The following ACCSL variants were observed in gnomAD, a reference collection of about 807,000 sequenced individuals.
The protein encoded by ACCSL is probable inactive 1-aminocyclopropane-1-carboxylate synthase-like protein 2.
ACCSL carries 55 observed loss-of-function variants against 61.7 expected under a neutral mutation model. That is an observed-to-expected ratio of 0.89 (90% CI 0.72 to 1.12). The LOEUF is 1.12. Among genes scored for constraint, ACCSL ranks in the 50% most tolerant of loss-of-function variants. ACCSL has a pLI of 0.00. For missense variants in ACCSL, 632 were observed against 698.0 expected, an observed-to-expected ratio of 0.91 and a Z score of 1.07; for synonymous variants, 258 against 264.3, an observed-to-expected ratio of 0.98 and a Z score of 0.23.
chr11:43,921,682 T>G, the ACCSL span, among the ~76,000 whole-genome samples: 1 of 152,190 alleles, frequency 6.6e-6, no homozygotes, highest in Non-Finnish European at 1.5e-5. Flanking sequence ...AGGGTCATGA[T>G]CTCCCCGTGT....
At chr11:44,007,229 G>A in the ACCSL span, among the ~76,000 whole-genome samples, 8 of 152,160 alleles carry the variant, frequency 5.3e-5, no homozygotes, top group African/African-American at 1.9e-4. Flanking sequence ...AATGTCACAG[G>A]CTCCTTCTGT....
At chr11:43,967,377 C>T in the ACCSL span, among the ~76,000 whole-genome samples, 179 of 151,750 alleles carry the variant, frequency 1.2e-3, no homozygotes, top group African/African-American at 4.1e-3. Flanking sequence ...CGGGGTTTCA[C>T]CATGTTGGCA....
chr11:43,980,883 G>A, the ACCSL span, among the ~76,000 whole-genome samples: 1 of 152,036 alleles, frequency 6.6e-6, no homozygotes, highest in Admixed American at 6.6e-5. Context: ...AACAGGCAAA[G>A]AAAGTGAGGC....
chr11:43,934,115 T>TCTCTCTCTCCCTCTC, the ACCSL span, among the ~76,000 whole-genome samples: 1 of 152,044 alleles, frequency 6.6e-6, no homozygotes, highest in Non-Finnish European at 1.5e-5. Context: ...TTCTTCCCTG[T>TCTCTCTCTCCCTCTC]CTCTCTCTCC....
the ACCSL span, among the ~76,000 whole-genome samples, chr11:44,026,223 TC>T: frequency 6.6e-6 from 1 of 152,228 alleles, no homozygotes; most frequent in African/African-American, 2.4e-5. Flanking sequence ...TATTCTTTTT[TC>T]TTTCTGCTAA....
At chr11:43,967,912 A>G in the ACCSL span, among the ~76,000 whole-genome samples, 6 of 152,152 alleles carry the variant, frequency 3.9e-5, no homozygotes, top group Non-Finnish European at 8.8e-5. Context: ...ACTCCAGCCA[A>G]TCACAAAAAG....
chr11:44,053,824 T>C (rs933743836), intron 8 of ACCSL, among the ~76,000 whole-genome samples: 3 of 152,212 alleles, frequency 2.0e-5, no homozygotes, highest in African/African-American at 7.2e-5. Context: ...ATCATGCCAC[T>C]GTACTCCAGC....
At chr11:44,024,835 T>A in the ACCSL span, among the ~76,000 whole-genome samples, 1 of 152,202 alleles carries the variant, frequency 6.6e-6, no homozygotes, top group African/African-American at 2.4e-5. Flanking sequence ...TCATTTCTGT[T>A]ATTTTTTGCT....
chr11:43,963,931 A>C, the ACCSL span, among the ~76,000 whole-genome samples: 2 of 152,238 alleles, frequency 1.3e-5, no homozygotes, highest in Non-Finnish European at 2.9e-5. Context: ...TTGGATAATC[A>C]AATCATGACA....
chr11:43,977,046 C>T, the ACCSL span, among the ~76,000 whole-genome samples: 1 of 152,246 alleles, frequency 6.6e-6, no homozygotes, highest in Admixed American at 6.5e-5. Context: ...GGCCAGTCCT[C>T]CCACTGTGTT....
rs758159007 is a variant in ACCSL at position 44,053,415 on chromosome 11, G to A, written c.958G>A (p.Val320Ile). Residue 320 changes from valine (V) to isoleucine (I), a missense_variant, in exon 8 of 14, where the codon GTC (valine) becomes ATC (isoleucine). Physicochemically the swap from Val to Ile is conservative, Grantham distance 29 (BLOSUM62 3). Transcript: ENST00000378832. ...LLEARLEGKKVRGLVLINPQN... is the reference protein window; with the variant it reads ...LLEARLEGKKIRGLVLINPQN... ...TTTGGGTTTTTCTTAGGGGAAAAAGGTCCGAGGCCTTGTGCTAATCAACCC... is the reference window on the plus strand; with the variant it reads ...TTTGGGTTTTTCTTAGGGGAAAAAGATCCGAGGCCTTGTGCTAATCAACCC... The A allele has an allele frequency of 5.6e-6, 9 of 1,614,128 alleles. No individual in the cohort carries two copies. Among genetic ancestry groups the A allele is most frequent in the Non-Finnish European group, 7.6e-6 (9 of 1,179,988 alleles).
chr11:43,962,599 A>T, the ACCSL span, among the ~76,000 whole-genome samples: 1 of 152,260 alleles, frequency 6.6e-6, no homozygotes, highest in Non-Finnish European at 1.5e-5. Context: ...CAAGGCAAAG[A>T]TTAGACTAAG....
the ACCSL span, among the ~76,000 whole-genome samples, chr11:44,021,696 T>A: frequency 6.6e-6 from 1 of 152,156 alleles, no homozygotes; most frequent in Non-Finnish European, 1.5e-5. Context: ...TTTGCCTAAG[T>A]CAGTGTCTAG....
the ACCSL span, chr11:44,001,141 A>G: frequency 6.6e-6 from 1 of 152,184 alleles, no homozygotes; most frequent in Non-Finnish European, 1.5e-5. Flanking sequence ...CATAAAATAA[A>G]TTCCCTCATC....
chr11:44,051,784 G>T, intron 5 of ACCSL, 65 bp downstream of exon 5: 2 of 1,587,866 alleles, frequency 1.3e-6, no homozygotes, highest in East Asian at 4.5e-5. Flanking sequence ...GAACACACGG[G>T]CACTGGACTT....
At chr11:43,941,158 GC>G in the ACCSL span, among the ~76,000 whole-genome samples, 8 of 152,292 alleles carry the variant, frequency 5.3e-5, no homozygotes, top group Admixed American at 1.3e-4. Context: ...CCTTCTGGTG[GC>G]AGCTTAAATA....
chr11:43,958,277 T>C, the ACCSL span, among the ~76,000 whole-genome samples: 1 of 152,148 alleles, frequency 6.6e-6, no homozygotes, highest in South Asian at 2.1e-4. Context: ...TGGGATGTCT[T>C]TTCAGGTTTT....
chr11:43,974,002 A>G, the ACCSL span: 4 of 152,248 alleles, frequency 2.6e-5, no homozygotes, highest in Non-Finnish European at 5.9e-5. Context: ...CCTGTGATAG[A>G]CAGAGAGCAA....
chr11:43,928,699 C>G, the ACCSL span, among the ~76,000 whole-genome samples: 2 of 152,202 alleles, frequency 1.3e-5, no homozygotes, highest in Non-Finnish European at 2.9e-5. Flanking sequence ...TGTAGACAAG[C>G]AGCTCAGAGT....
Sources: allele counts gnomAD v4.1 joint callset (sites outside exome capture counted in the v4.1 genomes callset), GRCh38; gene constraint gnomAD v4.1.1; transcripts MANE v1.5; gene names NCBI Gene and HGNC (gene_info 2026-07-23, HGNC 2026-07-21).